CLOCK: variants seen among roughly 807,000 people sequenced by gnomAD.
CLOCK encodes the protein circadian locomoter output cycles protein kaput.
Under a neutral mutation model 118.4 loss-of-function variants are expected in CLOCK, and 43 were observed. The ratio of observed to expected loss-of-function variants is 0.36; its 90% CI spans 0.28 to 0.47. CLOCK has a LOEUF of 0.47. Ranked by LOEUF, CLOCK falls within the 20% of genes least tolerant of loss-of-function variation. The probability of loss-of-function intolerance (pLI) is 1.00; values close to 1 mark genes in which losing one functional copy is unlikely to be tolerated. For missense variants in CLOCK, 846 were observed against 999.9 expected (o/e 0.85, Z 2.08); for synonymous variants, 326 against 339.2 (o/e 0.96, Z 0.43).
At chr4:55,478,644 C>T (rs191016428) in intron 6 of CLOCK, among the ~76,000 whole-genome samples, 171 bp downstream of exon 6, 27 of 152,130 alleles carry the variant, frequency 1.8e-4, no homozygotes, top group Admixed American at 1.2e-3. Context: ...GTAGTAGGCA[C>T]GGAATAAATG....
chr4:55,448,164 T>A (rs899354088), intron 18 of CLOCK, among the ~76,000 whole-genome samples: 9 of 152,238 alleles, frequency 5.9e-5, no homozygotes, highest in African/African-American at 2.2e-4. Context: ...CATGGTATTG[T>A]AGGCATCTGT....
chr4:55,433,834 T>TAA lies in CLOCK; in HGVS notation c.*1580_*1581insTT, dbSNP rs1304846949. 3.9e-5 allele frequency: 6 copies of TAA among 152,222 alleles called. No homozygotes were observed. Among genetic ancestry groups the TAA allele is most frequent in the Non-Finnish European group, 8.8e-5 (6 of 68,030 alleles). The allele number at this position is 152,222 out of a possible 1,614,324, so 9.4% of individuals were successfully genotyped here. On this transcript the variant is annotated 3_prime_UTR_variant, in exon 23 of 23. Transcript: ENST00000513440. ...GTTCACGTTTAGAAGGCATGTGAGT[T>TAA]ACAATATTCTAATGTTGTAGTGAAG... is the stretch of plus-strand genomic sequence containing the variant.
intron 8 of CLOCK, among the ~76,000 whole-genome samples, chr4:55,468,114 G>A (rs1725860258): frequency 6.6e-6 from 1 of 152,106 alleles, no homozygotes; most frequent in Non-Finnish European, 1.5e-5. Context: ...CTGTTATAGA[G>A]ATAAGCTATT....
At chr4:55,454,096 A>T (rs1201884346) in intron 13 of CLOCK, among the ~76,000 whole-genome samples, 1 of 152,148 alleles carries the variant, frequency 6.6e-6, no homozygotes, top group African/African-American at 2.4e-5. Context: ...CACACTGCTG[A>T]CTTCCTCCTG....
chr4:55,494,067 G>GTA (rs1727893770), intron 2 of CLOCK, among the ~76,000 whole-genome samples: 1 of 152,202 alleles, frequency 6.6e-6, no homozygotes, highest in Non-Finnish European at 1.5e-5. Context: ...TGCCCACAGA[G>GTA]TATAGGAGCA....
rs1036148730 is a variant in CLOCK at position 55,497,360 on chromosome 4, A to C, written c.-135-7895T>G. Among the ~76,000 whole-genome samples, 8 of 152,270 alleles carry C rather than the reference A, an allele frequency of 5.3e-5. No homozygotes were observed. The South Asian group carries it at 1.7e-3, about 32-fold the overall frequency. On this transcript the variant is annotated intron_variant, in intron 2 of 22. Coordinates refer to ENST00000513440, the MANE Select transcript of CLOCK (RefSeq NM_004898.4). Reference sequence around the variant, plus strand: ...ACATAGATAATCTAAGATAACCTCCATATTTTATGGTTAACTGATTAGCAA... The same window carrying C: ...ACATAGATAATCTAAGATAACCTCCCTATTTTATGGTTAACTGATTAGCAA...
At chr4:55,437,606 CTTATA>C (rs151064212) in intron 22 of CLOCK, among the ~76,000 whole-genome samples, 1 of 152,262 alleles carries the variant, frequency 6.6e-6, no homozygotes, top group African/African-American at 2.4e-5. Flanking sequence ...TGTGCCTTGT[CTTATA>C]TTCAGTGATT....
intron 1 of CLOCK, among the ~76,000 whole-genome samples, chr4:55,513,327 G>A (rs1729284843): frequency 1.3e-5 from 2 of 152,082 alleles, no homozygotes; most frequent in African/African-American, 4.8e-5. Flanking sequence ...CAGCCTAGGT[G>A]CAGAGCAGGC....
At position 55,450,131 on chromosome 4, in the gene CLOCK, A is replaced by G. The variant is rs751499257; in HGVS notation, c.1308T>C (p.Ser436=). 1 of 1,613,968 alleles carries G rather than the reference A, an allele frequency of 6.2e-7. No individual in the cohort carries two copies. Among genetic ancestry groups the G allele is most frequent in the Non-Finnish European group, 8.5e-7 (1 of 1,179,986 alleles). ...HSPTPSASSR[S]SRKSSHTAVS... Reference sequence around the variant, plus strand: ...CGGCCGTGTGAGATGATTTTCTTGAACTCCGAGAAGAGGCAGAAGGGGTTG... The same window carrying G: ...CGGCCGTGTGAGATGATTTTCTTGAGCTCCGAGAAGAGGCAGAAGGGGTTG... The change falls in exon 16 of 23, where the codon AGT becomes AGC. Residue 436 remains serine, a synonymous_variant. Transcript: ENST00000513440.
rs184530577 is a variant in CLOCK at position 55,471,900 on chromosome 4, T to C, written c.349-1094A>G. On this transcript the variant is annotated intron_variant, in intron 7 of 22. Coordinates refer to ENST00000513440, the MANE Select transcript of CLOCK (RefSeq NM_004898.4). ...CCAGCCTGAGCAACATGGCGAAACC[T>C]TGTCTCTGAAAAAAAATTAAAAAAT... 1.5e-4 allele frequency among the ~76,000 whole-genome samples: 23 copies of C among 151,994 alleles called. No homozygotes were observed. In the East Asian group the frequency reaches 3.1e-3, roughly 20 times the overall value.
intron 1 of CLOCK, chr4:55,545,491 G>GAT (rs1731554484): frequency 1.3e-5 from 2 of 152,252 alleles, no homozygotes; most frequent in South Asian, 4.1e-4. Context: ...TCAAATCAAC[G>GAT]ACTGTAAAAG....
At chr4:55,482,903 CTA>C (rs1487236775) in intron 3 of CLOCK, 75 bp from the exon 4 acceptor site, 3 of 680,370 alleles carry the variant, frequency 4.4e-6, no homozygotes, top group African/African-American at 3.7e-5. Context: ...TTGAGAAATA[CTA>C]TATGTTATCA....
intron 15 of CLOCK, among the ~76,000 whole-genome samples, chr4:55,450,596 C>T (rs952595299): frequency 3.3e-5 from 5 of 152,036 alleles, no homozygotes; most frequent in Admixed American, 6.6e-5. Flanking sequence ...GGTGAAACCC[C>T]GTCTCTACCA....
chr4:55,514,667 A>G (rs1729377187), intron 1 of CLOCK, among the ~76,000 whole-genome samples: 1 of 152,036 alleles, frequency 6.6e-6, no homozygotes, highest in Non-Finnish European at 1.5e-5. Context: ...ATATGATCAT[A>G]TGATTTGGTT....
intron 1 of CLOCK, among the ~76,000 whole-genome samples, chr4:55,531,381 G>A (rs1730534182): frequency 6.6e-6 from 1 of 151,946 alleles, no homozygotes; most frequent in South Asian, 2.1e-4. Context: ...AAGCCTAGGA[G>A]GCTTTACTGG....
intron 2 of CLOCK, among the ~76,000 whole-genome samples, chr4:55,498,800 C>T (rs1031406678): frequency 6.6e-6 from 1 of 151,912 alleles, no homozygotes; most frequent in Non-Finnish European, 1.5e-5. Flanking sequence ...GTAGGTAGTA[C>T]AAGAATCCAC....
intron 1 of CLOCK, among the ~76,000 whole-genome samples, chr4:55,546,276 C>G (rs1452911452): frequency 6.6e-6 from 1 of 152,180 alleles, no homozygotes; most frequent in African/African-American, 2.4e-5. Flanking sequence ...CCGTGCACCC[C>G]ACTCCCGCCC....
intron 2 of CLOCK, among the ~76,000 whole-genome samples, chr4:55,494,267 G>C (rs896049304): frequency 2.0e-5 from 3 of 152,180 alleles, no homozygotes; most frequent in African/African-American, 7.2e-5. Context: ...CAGGAAGAAA[G>C]AGGGAGCCCT....
At chr4:55,450,884 C>A (rs1222793270) in intron 15 of CLOCK, among the ~76,000 whole-genome samples, 6 of 152,048 alleles carry the variant, frequency 3.9e-5, no homozygotes, top group African/African-American at 1.2e-4. Flanking sequence ...CCTGCGGTGC[C>A]AACTACCCAG....
Sources: allele counts gnomAD v4.1 joint callset (sites outside exome capture counted in the v4.1 genomes callset), GRCh38; gene constraint gnomAD v4.1.1; transcripts MANE v1.5; gene names NCBI Gene and HGNC (gene_info 2026-07-23, HGNC 2026-07-21).